Variants in SGCD observed in about 807,000 individuals in gnomAD.
SGCD encodes the protein sarcoglycan delta.
A neutral mutation model predicts 36.6 loss-of-function variants in SGCD; 18 were observed. The ratio of observed to expected loss-of-function variants is 0.49; its 90% CI spans 0.34 to 0.73. The LOEUF (loss-of-function observed/expected upper bound fraction) is 0.73, where lower values mean the gene tolerates loss of function less well. Ranked by LOEUF, SGCD falls within the 30% of genes least tolerant of loss-of-function variation. The probability of loss-of-function intolerance (pLI) is 0.01; values close to 1 mark genes in which losing one functional copy is unlikely to be tolerated. For synonymous variants in SGCD, 133 were observed against 130.6 expected, an observed-to-expected ratio of 1.02 and a Z score of -0.12; for missense variants, 387 against 346.7, an observed-to-expected ratio of 1.12 and a Z score of -0.92.
intron 1 of SGCD, among the ~76,000 whole-genome samples, chr5:156,079,727 C>A (rs752944746): frequency 1.3e-5 from 2 of 152,152 alleles, no homozygotes; most frequent in Non-Finnish European, 2.9e-5. Context: ...AGAGGTGGGC[C>A]CCTAAGGTCT....
intron 2 of SGCD, 41 bp downstream of exon 2, chr5:156,329,620 T>G (rs1767971904): frequency 2.5e-6 from 4 of 1,588,914 alleles, no homozygotes; most frequent in Non-Finnish European, 3.4e-6. Context: ...AAGGCCCTGC[T>G]CATGGTCATT....
rs1180601997 is a variant in SGCD, at chr5:156,625,753, T to C, written c.503-21711T>C. ...CACTATGATAAGCTGGGGATTCAGC[T>C]AGAGTATAACAAGAATAGGACATGA... On this transcript the variant is annotated intron_variant, in intron 6 of 8. Transcript: ENST00000337851. Among the ~76,000 whole-genome samples the C allele has an allele frequency of 3.3e-5, 5 of 152,330 alleles. No individual in the cohort carries two copies. In the East Asian group the frequency reaches 9.6e-4, roughly 29 times the overall value.
chr5:155,788,664 A>G, the SGCD span, among the ~76,000 whole-genome samples: 1 of 152,206 alleles, frequency 6.6e-6, no homozygotes, highest in Non-Finnish European at 1.5e-5. Context: ...ATGTGCAATT[A>G]AAGTATTGCC....
rs907110695 is a variant in SGCD at position 156,738,836 on chromosome 5, A to G, written c.576-18745A>G. 5.3e-5 allele frequency among the ~76,000 whole-genome samples: 8 copies of G among 152,222 alleles called. No homozygotes were observed. In the East Asian group the frequency reaches 5.8e-4, roughly 11 times the overall value. ...TAACAGTGCTACAAAGAAGACACCA[A>G]TATCTCTTTTGAACATGAGAAATAG... On this transcript the variant is annotated intron_variant, in intron 7 of 8. Transcript: ENST00000337851.
At chr5:156,120,263 G>A (rs1034295318) in intron 2 of SGCD, among the ~76,000 whole-genome samples, 1 of 152,026 alleles carries the variant, frequency 6.6e-6, no homozygotes, top group African/African-American at 2.4e-5. Flanking sequence ...AGGGGTGGGA[G>A]GTGAGGAGCA....
At chr5:155,756,442 T>G in the SGCD span, among the ~76,000 whole-genome samples, 1 of 152,230 alleles carries the variant, frequency 6.6e-6, no homozygotes, top group Non-Finnish European at 1.5e-5. Flanking sequence ...TTGATCTTTC[T>G]TCCTCTTCCC....
rs955508966 is a variant in SGCD, at chr5:156,342,508, A to C, written c.4-1981A>C. On this transcript the variant is annotated intron_variant, in intron 2 of 8. Coordinates refer to ENST00000337851, the MANE Select transcript of SGCD (RefSeq NM_000337.6). ...TCATTTTCTTATTTCATAGAATATG[A>C]TCTGATGGAAAATAAAAACCTAATT... is the stretch of plus-strand genomic sequence containing the variant. 6.6e-5 allele frequency among the ~76,000 whole-genome samples: 10 copies of C among 152,230 alleles called. No individual in the cohort carries two copies. In the East Asian group the frequency reaches 1.9e-3, roughly 29 times the overall value.
intron 3 of SGCD, among the ~76,000 whole-genome samples, chr5:156,163,225 T>C (rs1763125627): frequency 6.6e-6 from 1 of 151,620 alleles, no homozygotes; most frequent in Admixed American, 6.6e-5. Flanking sequence ...GTACTAAGGA[T>C]TGAGGAAGAT....
chr5:155,993,132 A>T (rs1172891680), intron 1 of SGCD, among the ~76,000 whole-genome samples: 1 of 152,000 alleles, frequency 6.6e-6, no homozygotes, highest in Non-Finnish European at 1.5e-5. Flanking sequence ...CTTGGAAACC[A>T]CAATAAAGGC....
chr5:156,727,969 G>A (rs1581478348), intron 7 of SGCD, among the ~76,000 whole-genome samples: 2 of 152,266 alleles, frequency 1.3e-5, no homozygotes, highest in Middle Eastern at 6.8e-3. Context: ...TTTTGAAATA[G>A]CAAAGTGTGC....
chr5:156,176,563 G>A (rs772961676), intron 3 of SGCD, among the ~76,000 whole-genome samples: 14 of 151,922 alleles, frequency 9.2e-5, no homozygotes, highest in Non-Finnish European at 1.9e-4. Flanking sequence ...TAAAGAAAAT[G>A]GTGTGTGCTG....
chr5:156,093,036 A>G (rs1339922291), intron 1 of SGCD, among the ~76,000 whole-genome samples: 1 of 152,116 alleles, frequency 6.6e-6, no homozygotes, highest in Non-Finnish European at 1.5e-5. Flanking sequence ...TGGCTCGGAG[A>G]GATTTAAGGG....
chr5:155,797,334 G>A, the SGCD span, among the ~76,000 whole-genome samples: 1,266 of 152,118 alleles, frequency 8.3e-3, 17 homozygotes, highest in African/African-American at 0.029. Flanking sequence ...ATCTTGTTTC[G>A]AATCATCAGC....
intron 3 of SGCD, among the ~76,000 whole-genome samples, chr5:156,369,726 C>G (rs1054550036): frequency 6.6e-6 from 1 of 152,058 alleles, no homozygotes; most frequent in East Asian, 1.9e-4. Context: ...TTGCAAACTC[C>G]GGACAGTCAG....
intron 4 of SGCD, among the ~76,000 whole-genome samples, chr5:156,540,204 A>T (rs775713505): frequency 6.6e-6 from 1 of 152,152 alleles, no homozygotes; most frequent in Non-Finnish European, 1.5e-5. Context: ...TTCAAACTCA[A>T]TATGGCTCTA....
the SGCD span, among the ~76,000 whole-genome samples, chr5:155,728,140 C>T: frequency 6.6e-6 from 1 of 152,154 alleles, no homozygotes; most frequent in African/African-American, 2.4e-5. Flanking sequence ...CGGCGGCTTC[C>T]CCTCTAACGC....
intron 6 of SGCD, among the ~76,000 whole-genome samples, chr5:156,641,969 G>C (rs562317630): frequency 3.2e-4 from 49 of 152,264 alleles, no homozygotes; most frequent in African/African-American, 1.2e-3. Context: ...CTACAGACTG[G>C]ATGCCTTAAA....
At chr5:156,365,213 C>T (rs184220291) in intron 3 of SGCD, among the ~76,000 whole-genome samples, 112 of 152,274 alleles carry the variant, frequency 7.4e-4, no homozygotes, top group African/African-American at 2.4e-3. Flanking sequence ...AGTGACTTAT[C>T]GCTTCACACT....
chr5:156,676,477 G>T lies in SGCD; in HGVS notation c.575+28941G>T, dbSNP rs1408396658. Reference sequence around the variant, plus strand: ...ACAGACACTGCGAATGAGTTCTGCTGGATAAATAGCACGTAGTCAAAATGC... The same window carrying T: ...ACAGACACTGCGAATGAGTTCTGCTTGATAAATAGCACGTAGTCAAAATGC... On this transcript the variant is annotated intron_variant, in intron 7 of 8. Transcript: ENST00000337851. Among the ~76,000 whole-genome samples the T allele has an allele frequency of 2.0e-5, 3 of 152,292 alleles. No homozygotes were observed. The South Asian group carries it at 6.2e-4, about 32-fold the overall frequency.
Sources: gnomAD v4.1 joint callset for allele counts (sites outside exome capture counted in the v4.1 genomes callset) on GRCh38, gnomAD v4.1.1 for gene constraint, MANE v1.5 for transcripts, NCBI Gene and HGNC (gene_info 2026-07-23, HGNC 2026-07-21) for gene names.